Variants in DCP1B observed in about 807,000 individuals in gnomAD.
DCP1B encodes decapping mRNA 1B, also known as mRNA-decapping enzyme 1B.
DCP1B carries 47 observed loss-of-function variants against 60.5 expected under a neutral mutation model. The observed-to-expected ratio is 0.78, with a 90% CI of 0.61 to 0.99. The LOEUF (loss-of-function observed/expected upper bound fraction) is 0.99. DCP1B is among the 50% of genes least tolerant of loss of function. The probability of loss-of-function intolerance (pLI) is 0.00; values close to 1 mark genes in which losing one functional copy is unlikely to be tolerated. For synonymous variants in DCP1B, 267 were observed against 280.3 expected (o/e 0.95, Z 0.47); for missense variants, 725 against 756.8 (o/e 0.96, Z 0.49).
At chr12:1,998,052 A>G (rs924259875) in intron 1 of DCP1B, 77 bp from the exon 2 acceptor site, 3 of 1,335,350 alleles carry the variant, frequency 2.2e-6, no homozygotes, top group Non-Finnish European at 3.1e-6. Context: ...ATTCTCATAG[A>G]ATAGGAATTA....
At chr12:2,000,268 G>A (rs985966589) in intron 1 of DCP1B, among the ~76,000 whole-genome samples, 53 of 152,140 alleles carry the variant, frequency 3.5e-4, no homozygotes, top group Non-Finnish European at 3.5e-4. Context: ...GATAGAACTA[G>A]GACTTTGCAG....
At chr12:1,985,938 G>A (rs2037568340) in intron 3 of DCP1B, among the ~76,000 whole-genome samples, 1 of 152,102 alleles carries the variant, frequency 6.6e-6, no homozygotes, top group Non-Finnish European at 1.5e-5. Context: ...AGCCTCCCAA[G>A]TAGCTGGGAC....
downstream of DCP1B, among the ~76,000 whole-genome samples, chr12:1,943,066 G>T (rs929363054): frequency 1.3e-5 from 2 of 152,018 alleles, no homozygotes; most frequent in African/African-American, 4.8e-5. Flanking sequence ...TAATAAAGAA[G>T]AAAAGAGAGA....
intron 3 of DCP1B, among the ~76,000 whole-genome samples, chr12:1,989,822 G>T (rs112327114): frequency 6.6e-6 from 1 of 152,158 alleles, no homozygotes; most frequent in Non-Finnish European, 1.5e-5. Flanking sequence ...ATTTAGTTGC[G>T]AAATGAAAAA....
intron 1 of DCP1B, among the ~76,000 whole-genome samples, chr12:2,000,774 C>T (rs1419960880): frequency 2.0e-5 from 3 of 152,182 alleles, no homozygotes; most frequent in Non-Finnish European, 2.9e-5. Flanking sequence ...CAGGGGCTCA[C>T]GCCTGTAACC....
chr12:1,964,120 G>A (rs2031216413), intron 5 of DCP1B, among the ~76,000 whole-genome samples: 1 of 152,046 alleles, frequency 6.6e-6, no homozygotes, highest in African/African-American at 2.4e-5. Flanking sequence ...AGTTCTTTTT[G>A]TCCTTAAAAT....
intron 5 of DCP1B, 22 bp from the exon 6 acceptor site, chr12:1,955,582 C>A: frequency 6.2e-7 from 1 of 1,602,176 alleles, no homozygotes; most frequent in Non-Finnish European, 8.5e-7. Flanking sequence ...AAGAAAATCC[C>A]CTCATTTTTG....
At chr12:1,978,784 C>T (rs769996930) in intron 3 of DCP1B, among the ~76,000 whole-genome samples, 3 of 152,178 alleles carry the variant, frequency 2.0e-5, no homozygotes, top group Non-Finnish European at 2.9e-5. Flanking sequence ...TAAATGGGGT[C>T]GTACAGTATA....
At chr12:1,979,835 A>G (rs898001926) in intron 3 of DCP1B, among the ~76,000 whole-genome samples, 1 of 152,230 alleles carries the variant, frequency 6.6e-6, no homozygotes, top group African/African-American at 2.4e-5. Context: ...TTTGGGCTTT[A>G]ATCTGCATAG....
rs1297981092 is a variant in DCP1B at position 2,004,232 on chromosome 12, C to T, written c.150+50G>A. On this transcript the variant is annotated intron_variant, in intron 1 of 8. Coordinates refer to ENST00000280665, the MANE Select transcript of DCP1B (RefSeq NM_152640.5). The stretch of plus-strand genomic sequence containing the variant: ...CTCAAGTCCTGAGTCTGACGCCCCC[C>T]GCCTCCACCCCAACCCTGGGCTGCA... 6.9e-6 allele frequency: 11 copies of T among 1,605,754 alleles called. No homozygotes were observed. The Admixed American group carries it at 1.9e-4, about 27-fold the overall frequency.
chr12:1,970,056 C>T (rs1241823984), intron 3 of DCP1B, among the ~76,000 whole-genome samples: 1 of 152,038 alleles, frequency 6.6e-6, no homozygotes, highest in African/African-American at 2.4e-5. Context: ...GGGTATCTTT[C>T]GTTTGATGTT....
At chr12:1,975,686 T>C (rs935828565) in intron 3 of DCP1B, among the ~76,000 whole-genome samples, 3 of 152,190 alleles carry the variant, frequency 2.0e-5, no homozygotes, top group African/African-American at 7.2e-5. Flanking sequence ...CTATGTTTTC[T>C]TGGTCAAGCT....
intron 1 of DCP1B, among the ~76,000 whole-genome samples, chr12:1,998,286 T>A (rs890278717): frequency 6.6e-6 from 1 of 152,192 alleles, no homozygotes; most frequent in Non-Finnish European, 1.5e-5. Flanking sequence ...GCTATGCGGA[T>A]TTAATTAGAA....
chr12:1,966,242 C>T (rs1280956533), intron 4 of DCP1B: 1 of 152,158 alleles, frequency 6.6e-6, no homozygotes, highest in Non-Finnish European at 1.5e-5. Context: ...TTGATTCTGG[C>T]AACTCAAATC....
intron 1 of DCP1B, among the ~76,000 whole-genome samples, chr12:2,000,317 A>C (rs918877459): frequency 5.9e-5 from 9 of 152,210 alleles, no homozygotes; most frequent in African/African-American, 2.2e-4. Context: ...ACAAGATCAA[A>C]ACACTCTCCT....
downstream of DCP1B, among the ~76,000 whole-genome samples, chr12:1,944,257 C>A (rs771210171): frequency 6.6e-6 from 1 of 152,116 alleles, no homozygotes; most frequent in East Asian, 1.9e-4. Flanking sequence ...AGGAGACCTA[C>A]AAACCACAAC....
chr12:1,950,429 T>C (rs2030623670), intron 7 of DCP1B: 4 of 701,986 alleles, frequency 5.7e-6, no homozygotes, highest in Non-Finnish European at 1.0e-5. Context: ...ACTATATTCA[T>C]CGCATGCTTC....
intron 3 of DCP1B, among the ~76,000 whole-genome samples, chr12:1,982,348 C>T (rs2036394879): frequency 6.6e-6 from 1 of 152,126 alleles, no homozygotes; most frequent in Non-Finnish European, 1.5e-5. Context: ...CAAACTAAAA[C>T]TCTGTACCCA....
At position 1,965,711 on chromosome 12, in the gene DCP1B, A is replaced by G. The variant is rs1278068317; in HGVS notation, c.387-18T>C. ...GAGTTAGGCTAGAAAAACAGAGGGG[A>G]AAATCCACACAAGAAAAGCCAATTC... On this transcript the variant is annotated intron_variant, in intron 4 of 8. Transcript: ENST00000280665. The G allele has an allele frequency of 1.3e-6, 2 of 1,593,886 alleles. No individual in the cohort carries two copies. The highest frequency in any genetic ancestry group is 1.8e-5 in the Admixed American group (1 of 55,212).
Sources: allele counts gnomAD v4.1 joint callset (sites outside exome capture counted in the v4.1 genomes callset), GRCh38; gene constraint gnomAD v4.1.1; transcripts MANE v1.5; gene names NCBI Gene and HGNC (gene_info 2026-07-23, HGNC 2026-07-21).